STX8: variants seen among roughly 807,000 people sequenced by gnomAD.
The protein encoded by STX8 is syntaxin 8, also known as syntaxin-8.
A neutral mutation model predicts 37.5 loss-of-function variants in STX8; 23 were observed. The observed-to-expected ratio is 0.61, with a 90% CI of 0.44 to 0.87. The LOEUF (loss-of-function observed/expected upper bound fraction) is 0.87, where lower values mean the gene tolerates loss of function less well. Among genes scored for constraint, STX8 ranks in the 40% least tolerant of loss-of-function variants. The probability of loss-of-function intolerance (pLI) is 0.00; values close to 1 mark genes in which losing one functional copy is unlikely to be tolerated. For missense variants in STX8, 313 were observed against 284.7 expected (o/e 1.10, Z -0.71); for synonymous variants, 115 against 99.1 (o/e 1.16, Z -0.95).
At chr17:9,274,305 A>T (rs1490243797) in intron 7 of STX8, among the ~76,000 whole-genome samples, 4 of 152,036 alleles carry the variant, frequency 2.6e-5, no homozygotes, top group Non-Finnish European at 5.9e-5. Context: ...TTTGTTCATA[A>T]CTTCCTGCAG....
chr17:9,306,595 CAAAAAAAA>C (rs71135963), intron 7 of STX8, among the ~76,000 whole-genome samples: 32 of 69,894 alleles, frequency 4.6e-4, no homozygotes, highest in Non-Finnish European at 9.6e-4. Context: ...ACTAAAAATA[CAAAAAAAA>C]AAAAAAAAAA....
In STX8 at chr17:9,460,683, AAAAAACAAAAC is replaced by A. The variant is rs1279771552; in HGVS notation, c.541+31135_541+31145del. Among the ~76,000 whole-genome samples, 73 of 148,542 alleles carry A rather than the reference AAAAAACAAAAC, an allele frequency of 4.9e-4. 1 individual carries two copies. The highest frequency in any genetic ancestry group is 1.8e-3 in the African/African-American group (71 of 38,668). Reference sequence around the variant, plus strand: ...AGTGAGACTCTGTCTCAAAAAAAAAAAAAAACAAAACAAAACTACTAAATTCACAACAACAA... The same window carrying A: ...AGTGAGACTCTGTCTCAAAAAAAAAAAAAACTACTAAATTCACAACAACAA... On this transcript the variant is annotated intron_variant, in intron 6 of 7. Coordinates refer to ENST00000306357, the MANE Select transcript of STX8 (RefSeq NM_004853.3).
At chr17:9,559,736 A>T (rs1165411870) in intron 2 of STX8, among the ~76,000 whole-genome samples, 3 of 28,396 alleles carry the variant, frequency 1.1e-4, no homozygotes, top group Admixed American at 7.4e-4. Flanking sequence ...TTATTATTTT[A>T]TATATATATA....
chr17:9,329,285 A>T (rs542519191), intron 7 of STX8, among the ~76,000 whole-genome samples: 1 of 152,274 alleles, frequency 6.6e-6, no homozygotes, highest in East Asian at 1.9e-4. Flanking sequence ...ACCTCCTTTT[A>T]TAGGCATGTT....
At chr17:9,323,386 T>C (rs1198369312) in intron 7 of STX8, among the ~76,000 whole-genome samples, 1 of 152,234 alleles carries the variant, frequency 6.6e-6, no homozygotes, top group Non-Finnish European at 1.5e-5. Flanking sequence ...CTATATTTTC[T>C]TCAAGAGCTA....
rs562329874 is a variant in STX8, at chr17:9,270,528, A to G, written c.644-19883T>C. On this transcript the variant is annotated intron_variant, in intron 7 of 7. Transcript: ENST00000306357. ...CTCGGCCTCCCAAAGTGCTGGGATTACAGGCGTGAGCAACCGTGCCCAGTC... is the reference window on the plus strand; with the variant it reads ...CTCGGCCTCCCAAAGTGCTGGGATTGCAGGCGTGAGCAACCGTGCCCAGTC... Among the ~76,000 whole-genome samples the G allele has an allele frequency of 9.9e-5, 15 of 152,246 alleles. No individual in the cohort carries two copies. In the South Asian group the frequency reaches 2.9e-3, roughly 29 times the overall value.
chr17:9,361,477 A>G (rs895939195), intron 7 of STX8, among the ~76,000 whole-genome samples: 18 of 152,330 alleles, frequency 1.2e-4, no homozygotes, highest in Non-Finnish European at 2.2e-4. Flanking sequence ...CTCTCTTCAC[A>G]TGGGTACCAC....
At chr17:9,384,409 CG>C (rs1336334000) in intron 6 of STX8, among the ~76,000 whole-genome samples, 1 of 152,082 alleles carries the variant, frequency 6.6e-6, no homozygotes, top group Non-Finnish European at 1.5e-5. Flanking sequence ...GAGGCCTAGG[CG>C]GGTGGATCAT....
At chr17:9,425,339 C>T (rs994411202) in intron 6 of STX8, among the ~76,000 whole-genome samples, 4 of 152,158 alleles carry the variant, frequency 2.6e-5, no homozygotes, top group African/African-American at 7.2e-5. Flanking sequence ...ACACATGCTC[C>T]TGTCCAGGTT....
intron 7 of STX8, among the ~76,000 whole-genome samples, chr17:9,356,955 T>A (rs1473647676): frequency 6.9e-6 from 1 of 144,712 alleles, no homozygotes; most frequent in East Asian, 2.1e-4. Flanking sequence ...TCCATCCTTT[T>A]AACAGTTTTT....
chr17:9,573,299 C>T (rs763427053), intron 1 of STX8, among the ~76,000 whole-genome samples: 49 of 152,252 alleles, frequency 3.2e-4, no homozygotes, highest in Non-Finnish European at 5.3e-4. Context: ...AATGTATTCT[C>T]TCTAAAGCCT....
intron 6 of STX8, among the ~76,000 whole-genome samples, chr17:9,440,412 T>C (rs1413965892): frequency 6.6e-6 from 1 of 152,178 alleles, no homozygotes; most frequent in Admixed American, 6.5e-5. Flanking sequence ...TTCATTCTCA[T>C]TGTCACCATC....
At chr17:9,414,674 C>T (rs1480353062) in intron 6 of STX8, among the ~76,000 whole-genome samples, 1 of 152,042 alleles carries the variant, frequency 6.6e-6, no homozygotes, top group African/African-American at 2.4e-5. Context: ...ACCACAAGAA[C>T]CAGTCAGGCA....
intron 5 of STX8, among the ~76,000 whole-genome samples, chr17:9,492,546 A>G (rs532860875): frequency 3.7e-4 from 56 of 152,358 alleles, no homozygotes; most frequent in African/African-American, 1.3e-3. Flanking sequence ...ATATTCAGAT[A>G]GCATGTAATG....
intron 6 of STX8, among the ~76,000 whole-genome samples, chr17:9,435,113 C>T (rs893998633): frequency 1.3e-5 from 2 of 152,166 alleles, no homozygotes; most frequent in Non-Finnish European, 2.9e-5. Flanking sequence ...TCTCCTACCT[C>T]ATAACCTTGA....
chr17:9,269,114 G>A (rs1907352725), intron 7 of STX8, among the ~76,000 whole-genome samples: 1 of 151,448 alleles, frequency 6.6e-6, no homozygotes, highest in Non-Finnish European at 1.5e-5. Context: ...GTGAACCCGG[G>A]AGGCAGAGCT....
At chr17:9,341,417 G>C (rs1024536597) in intron 7 of STX8, among the ~76,000 whole-genome samples, 21 of 152,144 alleles carry the variant, frequency 1.4e-4, no homozygotes, top group African/African-American at 4.6e-4. Context: ...AAGTAGAGTA[G>C]TCGCCACAAG....
chr17:9,438,240 CA>C (rs1297626169), intron 6 of STX8, among the ~76,000 whole-genome samples: 18,192 of 66,202 alleles, frequency 0.27, 999 homozygotes, highest in Middle Eastern at 0.32. Context: ...GACTCCATCT[CA>C]AAAAAAAAAA....
chr17:9,268,568 A>C (rs1174118703), intron 7 of STX8, among the ~76,000 whole-genome samples: 3 of 152,146 alleles, frequency 2.0e-5, no homozygotes, highest in African/African-American at 7.2e-5. Flanking sequence ...CACCACCCTA[A>C]AGACGTCCTC....
Sources: gnomAD v4.1 joint callset for allele counts (sites outside exome capture counted in the v4.1 genomes callset) on GRCh38, gnomAD v4.1.1 for gene constraint, MANE v1.5 for transcripts, NCBI Gene and HGNC (gene_info 2026-07-23, HGNC 2026-07-21) for gene names.